EXOC6: variants seen among roughly 807,000 people sequenced by gnomAD.
EXOC6 encodes the protein exocyst complex component 6, also known as SEC15-like 1.
A neutral mutation model predicts 112.5 loss-of-function variants in EXOC6; 60 were observed. That is an observed-to-expected ratio of 0.53 (90% confidence interval 0.43 to 0.66). The LOEUF (loss-of-function observed/expected upper bound fraction) is 0.66, where lower values mean the gene tolerates loss of function less well. EXOC6 is among the 30% of genes least tolerant of loss of function. The pLI is 0.00. For synonymous variants in EXOC6, 295 were observed against 308.0 expected (o/e 0.96, Z 0.44); for missense variants, 855 against 957.1 (o/e 0.89, Z 1.41).
intron 18 of EXOC6, among the ~76,000 whole-genome samples, chr10:92,989,688 T>C (rs1843153415): frequency 6.6e-6 from 1 of 152,202 alleles, no homozygotes; most frequent in African/African-American, 2.4e-5. Flanking sequence ...TTATTAAGCT[T>C]GCTAACAGAC....
intron 13 of EXOC6, among the ~76,000 whole-genome samples, chr10:92,946,221 G>A (rs1458668441): frequency 1.3e-5 from 2 of 152,020 alleles, no homozygotes; most frequent in African/African-American, 2.4e-5. Flanking sequence ...GCGTGAACCC[G>A]GGAGGCGGAG....
Position 92,895,002 on chromosome 10 carries a change from T to A in EXOC6, c.394T>A (p.Leu132Met). ...QRNITTVVEK[L>M]QLCLPVLEMY... The stretch of plus-strand genomic sequence containing the variant: ...AAATATTACAACTGTAGTAGAAAAA[T>A]TGCAGTTATGCCTTCCTGGTGAGTT... The change falls in exon 4 of 22, where the codon TTG (leucine) becomes ATG (methionine). Residue 132 changes from leucine to methionine, a missense_variant. Transcript: ENST00000260762. The A allele has an allele frequency of 6.2e-7, 1 of 1,608,692 alleles. No individual in the cohort carries two copies. Among genetic ancestry groups the A allele is most frequent in the Non-Finnish European group, 8.5e-7 (1 of 1,175,278 alleles).
At chr10:93,000,072 T>C (rs1843687861) in intron 19 of EXOC6, among the ~76,000 whole-genome samples, 1 of 152,186 alleles carries the variant, frequency 6.6e-6, no homozygotes. Flanking sequence ...ACATAATTAA[T>C]ATAACGTTCA....
chr10:92,941,987 T>G (rs1338852157), intron 13 of EXOC6, among the ~76,000 whole-genome samples: 3 of 152,224 alleles, frequency 2.0e-5, no homozygotes, highest in Non-Finnish European at 4.4e-5. Flanking sequence ...AAGTAATGTG[T>G]CAATATTTGA....
At chr10:92,917,406 C>T (rs1315433887) in intron 7 of EXOC6, among the ~76,000 whole-genome samples, 1 of 145,388 alleles carries the variant, frequency 6.9e-6, no homozygotes, top group Non-Finnish European at 1.5e-5. Flanking sequence ...AATAACTCTA[C>T]TATGATTAGT....
upstream of EXOC6, among the ~76,000 whole-genome samples, chr10:92,847,670 C>CT (rs1437839725): frequency 6.6e-6 from 1 of 152,032 alleles, no homozygotes; most frequent in Non-Finnish European, 1.5e-5. Context: ...TTAAGCACGA[C>CT]TTTTTTCTAC....
chr10:92,898,403 C>T lies in EXOC6; in HGVS notation c.413-1196C>T, dbSNP rs138509759. ...CATGATCGTGCCACTGCCCTGTAAC[C>T]TGGGTGACAGAGTGAGACCTTGTCT... On this transcript the variant is annotated intron_variant, in intron 4 of 21. Transcript: ENST00000260762. Among the ~76,000 whole-genome samples the T allele has an allele frequency of 2.6e-3, 383 of 148,672 alleles. 3 individuals are homozygous for T. Among genetic ancestry groups the T allele is most frequent in the African/African-American group, 9.0e-3 (360 of 40,118 alleles).
At chr10:93,022,085 G>T (rs781323952) in intron 20 of EXOC6, among the ~76,000 whole-genome samples, 1 of 152,090 alleles carries the variant, frequency 6.6e-6, no homozygotes, top group Non-Finnish European at 1.5e-5. Context: ...AGCATAGAAG[G>T]CCTCTTTACA....
intron 1 of EXOC6, among the ~76,000 whole-genome samples, chr10:92,874,632 A>T (rs1294021178): frequency 6.6e-6 from 1 of 152,182 alleles, no homozygotes; most frequent in African/African-American, 2.4e-5. Flanking sequence ...AAAAATTTGT[A>T]GTTGTGGGTA....
chr10:92,859,590 A>T (rs952976042), intron 1 of EXOC6, among the ~76,000 whole-genome samples: 3 of 152,218 alleles, frequency 2.0e-5, no homozygotes, highest in Non-Finnish European at 4.4e-5. Context: ...ATACTTTCAG[A>T]TGAAACCATA....
chr10:92,896,145 GTGTA>G (rs1564809844), intron 4 of EXOC6, among the ~76,000 whole-genome samples: 5 of 20,300 alleles, frequency 2.5e-4, no homozygotes, highest in African/African-American at 1.2e-3. Flanking sequence ...GTGTATGTAT[GTGTA>G]TATATATATA....
chr10:92,963,532 ATTTT>A (rs5787026), intron 17 of EXOC6, among the ~76,000 whole-genome samples: 1 of 141,354 alleles, frequency 7.1e-6, no homozygotes, highest in African/African-American at 2.6e-5. Flanking sequence ...ATAAAGAGCA[ATTTT>A]TTTTTTTTTT....
intron 18 of EXOC6, among the ~76,000 whole-genome samples, chr10:92,976,669 A>T: frequency 6.7e-6 from 1 of 148,412 alleles, no homozygotes; most frequent in African/African-American, 2.5e-5. Flanking sequence ...AAAAAAAAAA[A>T]TAATAAATTA....
At chr10:92,903,916 T>A (rs1789384192) in intron 5 of EXOC6, among the ~76,000 whole-genome samples, 1 of 152,064 alleles carries the variant, frequency 6.6e-6, no homozygotes, top group African/African-American at 2.4e-5. Context: ...TACAGAATAG[T>A]TTCACTGCCT....
rs1191965453 is a variant in EXOC6, at chr10:92,967,046, T to C, written c.1774-7007T>C. On this transcript the variant is annotated intron_variant, in intron 17 of 21. Transcript: ENST00000260762. ...GCATTTCTCTGATGGCCAGTGATGA[T>C]GAGCATTTTTTCATGTGTCTTTTGG... 2.0e-5 allele frequency among the ~76,000 whole-genome samples: 3 copies of C among 151,148 alleles called. No homozygotes were observed. In the East Asian group the frequency reaches 5.8e-4, roughly 29 times the overall value.
At chr10:93,010,072 AAAC>A (rs1479637162) in intron 19 of EXOC6, among the ~76,000 whole-genome samples, 1 of 152,212 alleles carries the variant, frequency 6.6e-6, no homozygotes, top group Non-Finnish European at 1.5e-5. Context: ...TGGGAAGTAG[AAAC>A]AACAAGATTG....
intron 13 of EXOC6, among the ~76,000 whole-genome samples, chr10:92,945,980 CAGG>C (rs1234434226): frequency 6.6e-6 from 1 of 152,098 alleles, no homozygotes; most frequent in Non-Finnish European, 1.5e-5. Context: ...CCCAGCTACT[CAGG>C]AGGCTAAGGT....
intron 13 of EXOC6, among the ~76,000 whole-genome samples, chr10:92,943,201 G>A (rs544271198): frequency 1.3e-3 from 190 of 151,980 alleles, no homozygotes; most frequent in African/African-American, 4.3e-3. Context: ...TGTACTTTTA[G>A]TAGAAATGGT....
chr10:93,050,759 C>CAAAAAAAAAAAAAAAAAAAAAAAA (rs58439083), intron 20 of EXOC6, among the ~76,000 whole-genome samples: 4 of 37,308 alleles, frequency 1.1e-4, no homozygotes, highest in African/African-American at 1.1e-4. Context: ...GACTCCGTCT[C>CAAAAAAAAAAAAAAAAAAAAAAAA]AAAAAAAAAA....
Sources: gnomAD v4.1 joint callset for allele counts (sites outside exome capture counted in the v4.1 genomes callset) on GRCh38, gnomAD v4.1.1 for gene constraint, MANE v1.5 for transcripts, NCBI Gene and HGNC (gene_info 2026-07-23, HGNC 2026-07-21) for gene names.